Variants in AXDND1 observed in about 807,000 individuals in gnomAD.
AXDND1 encodes the protein axonemal dynein light chain domain-containing protein 1.
In AXDND1, 110 loss-of-function variants were observed where a neutral mutation model predicts 137.5. The ratio of observed to expected loss-of-function variants is 0.80; its 90% confidence interval spans 0.69 to 0.94. The LOEUF (loss-of-function observed/expected upper bound fraction) is 0.94. AXDND1 is among the 40% of genes least tolerant of loss of function. The pLI is 0.00. For synonymous variants in AXDND1, 414 were observed against 399.7 expected, an observed-to-expected ratio of 1.04 and a Z score of -0.43; for missense variants, 1,191 against 1,169.8, an observed-to-expected ratio of 1.02 and a Z score of -0.26.
chr1:179,464,084 G>C (rs900085975), intron 16 of AXDND1, among the ~76,000 whole-genome samples: 2 of 152,120 alleles, frequency 1.3e-5, no homozygotes, highest in Non-Finnish European at 2.9e-5. Flanking sequence ...TTGCCAGTCT[G>C]TGTCTTTTAA....
chr1:179,506,939 C>T, intron 20 of AXDND1: 7 of 977,132 alleles, frequency 7.2e-6, no homozygotes, highest in Non-Finnish European at 8.5e-6. Context: ...AAATTCAAGC[C>T]CCAGCTTTCC....
At chr1:179,403,874 G>C (rs1011137981) in intron 11 of AXDND1, among the ~76,000 whole-genome samples, 1 of 152,158 alleles carries the variant, frequency 6.6e-6, no homozygotes, top group African/African-American at 2.4e-5. Context: ...ACTGCCCCCG[G>C]CCTACATCGT....
intron 6 of AXDND1, among the ~76,000 whole-genome samples, chr1:179,380,926 A>G (rs963570232): frequency 8.5e-4 from 130 of 152,120 alleles, no homozygotes; most frequent in African/African-American, 2.9e-3. Flanking sequence ...ATGCATACAC[A>G]TGCACATATT....
intron 6 of AXDND1, 70 bp from the exon 7 acceptor site, chr1:179,382,630 A>T: frequency 9.5e-7 from 1 of 1,050,416 alleles, no homozygotes; most frequent in Non-Finnish European, 1.5e-6. Flanking sequence ...TCTGGGGGTT[A>T]GTTGTGCTAA....
At chr1:179,505,577 G>A (rs1352045302) in intron 20 of AXDND1, among the ~76,000 whole-genome samples, 4 of 151,896 alleles carry the variant, frequency 2.6e-5, no homozygotes, top group East Asian at 1.9e-4. Context: ...GAACCCGGGA[G>A]GTAGAGGTTG....
At chr1:179,466,270 TTTC>T (rs34143446) in intron 16 of AXDND1, among the ~76,000 whole-genome samples, 22,525 of 122,948 alleles carry the variant, frequency 0.18, 2,920 homozygotes, top group Non-Finnish European at 0.22. Context: ...CTTTTCTTTC[TTTC>T]TTCTTCTTCT....
At chr1:179,457,312 T>C in intron 16 of AXDND1, 2 of 623,662 alleles carry the variant, frequency 3.2e-6, no homozygotes, top group South Asian at 1.9e-5. Context: ...TTGGGCTCTT[T>C]AGGAGACTCT....
intron 25 of AXDND1, among the ~76,000 whole-genome samples, chr1:179,541,850 G>A (rs1292278986): frequency 6.6e-6 from 1 of 152,068 alleles, no homozygotes; most frequent in Non-Finnish European, 1.5e-5. Context: ...AATCATGAAA[G>A]ATTAAATAAA....
chr1:179,376,903 T>C (rs1467009513), intron 4 of AXDND1, among the ~76,000 whole-genome samples: 1 of 152,088 alleles, frequency 6.6e-6, no homozygotes, highest in East Asian at 1.9e-4. Context: ...TACAATCCTA[T>C]AACCCAGGGC....
At chr1:179,442,217 G>A (rs1659091348) in intron 15 of AXDND1, among the ~76,000 whole-genome samples, 1 of 152,164 alleles carries the variant, frequency 6.6e-6, no homozygotes, top group South Asian at 2.1e-4. Context: ...ACTGGAAGAG[G>A]CGGTATAGGC....
intron 25 of AXDND1, chr1:179,544,258 A>G (rs1672436014): frequency 6.6e-6 from 1 of 152,240 alleles, no homozygotes; most frequent in Admixed American, 6.5e-5. Flanking sequence ...AGCCTCTTCA[A>G]TTGATTTCCT....
intron 16 of AXDND1, chr1:179,452,719 A>G (rs2125402895): frequency 6.7e-6 from 1 of 149,996 alleles, no homozygotes; most frequent in East Asian, 1.9e-4. Context: ...AAAAAAAAAA[A>G]AAGAAAAGAA....
At chr1:179,553,788 C>T (rs1454935560) in intron 25 of AXDND1, among the ~76,000 whole-genome samples, 2 of 152,146 alleles carry the variant, frequency 1.3e-5, no homozygotes, top group Non-Finnish European at 2.9e-5. Context: ...ACTCTGTCAC[C>T]CGGGCTGGAG....
intron 21 of AXDND1, 142 bp from the exon 22 acceptor site, chr1:179,525,192 C>A (rs974739862): frequency 2.1e-5 from 16 of 744,950 alleles, no homozygotes; most frequent in Non-Finnish European, 2.8e-5. Flanking sequence ...TTCTTAAGGA[C>A]AGGGACTATT....
chr1:179,549,834 A>G (rs566924840), intron 25 of AXDND1, among the ~76,000 whole-genome samples: 3 of 152,168 alleles, frequency 2.0e-5, no homozygotes, highest in Middle Eastern at 3.4e-3. Flanking sequence ...TTGACCCTTT[A>G]AATGGGCTAA....
chr1:179,381,407 G>A (rs12755634), intron 6 of AXDND1, among the ~76,000 whole-genome samples: 31,941 of 145,040 alleles, frequency 0.22, 3,498 homozygotes, highest in Non-Finnish European at 0.24. Flanking sequence ...GAAGTGGTGC[G>A]ATCTCGGCTC....
intron 21 of AXDND1, among the ~76,000 whole-genome samples, chr1:179,511,331 A>ATG (rs1572129952): frequency 7.4e-6 from 1 of 134,358 alleles, no homozygotes; most frequent in East Asian, 2.2e-4. Flanking sequence ...ATGATTTTAT[A>ATG]TATATATACA....
In AXDND1 at chr1:179,432,193, T is replaced by C. The variant is rs1571809955; in HGVS notation, c.1488-74T>C. ...GGAGAAATATGTTAGTTGTTTAGTC[T>C]TTAGTGTGTGAACTGATGATCTTGT... On this transcript the variant is annotated intron_variant, in intron 14 of 25. Coordinates refer to ENST00000367618, the MANE Select transcript of AXDND1 (RefSeq NM_144696.6). The C allele has an allele frequency of 9.7e-6, 14 of 1,449,190 alleles. No homozygotes were observed. In the East Asian group the frequency reaches 3.8e-4, roughly 39 times the overall value. The allele number at this position is 1,449,190 out of a possible 1,614,324, so 89.8% of individuals were successfully genotyped here.
At chr1:179,370,993 A>G (rs1329322719) in intron 4 of AXDND1, among the ~76,000 whole-genome samples, 2 of 152,198 alleles carry the variant, frequency 1.3e-5, no homozygotes, top group African/African-American at 4.8e-5. Context: ...ATTGATTTTT[A>G]TGTACTGAGG....
Sources: gnomAD v4.1 joint callset for allele counts (sites outside exome capture counted in the v4.1 genomes callset) on GRCh38, gnomAD v4.1.1 for gene constraint, MANE v1.5 for transcripts, NCBI Gene and HGNC (gene_info 2026-07-23, HGNC 2026-07-21) for gene names.